VPS13B: variants seen among roughly 807,000 people sequenced by gnomAD.
The protein encoded by VPS13B is intermembrane lipid transfer protein VPS13B.
In VPS13B, 285 loss-of-function variants were observed where a neutral mutation model predicts 426.4. The ratio of observed to expected loss-of-function variants is 0.67; its 90% CI spans 0.61 to 0.74. VPS13B has a LOEUF of 0.74. Ranked by LOEUF, VPS13B falls within the 30% of genes least tolerant of loss-of-function variation. VPS13B has a pLI of 0.00. For synonymous variants in VPS13B, 1,676 were observed against 1,676.4 expected, an observed-to-expected ratio of 1.00 and a Z score of 0.01; for missense variants, 4,537 against 4,782.6, an observed-to-expected ratio of 0.95 and a Z score of 1.51.
chr8:99,044,084 C>CTTTTTTTTTTTTTTTTT (rs5893476), intron 3 of VPS13B, among the ~76,000 whole-genome samples: 1 of 98,932 alleles, frequency 1.0e-5, no homozygotes, highest in African/African-American at 4.1e-5. Context: ...TTCTTTCTTT[C>CTTTTTTTTTTTTTTTTT]TTTTTTTTTT....
At chr8:99,692,151 A>G (rs1196143784) in intron 35 of VPS13B, among the ~76,000 whole-genome samples, 30 of 145,264 alleles carry the variant, frequency 2.1e-4, no homozygotes, top group Admixed American at 1.9e-3. Context: ...GAAAGTCAAC[A>G]AGGATACCCA....
intron 34 of VPS13B, 73 bp downstream of exon 34, chr8:99,642,571 T>G (rs1338684415): frequency 9.5e-6 from 13 of 1,363,080 alleles, no homozygotes; most frequent in Non-Finnish European, 1.3e-5. Context: ...GTTTCCAGAT[T>G]GATTAAACAG....
At chr8:99,614,272 C>CACAT (rs1198715918) in intron 33 of VPS13B, among the ~76,000 whole-genome samples, 2 of 147,892 alleles carry the variant, frequency 1.4e-5, no homozygotes, top group African/African-American at 5.2e-5. Flanking sequence ...CACACACACA[C>CACAT]ATATATATAT....
At chr8:99,362,644 A>G (rs1812635149) in intron 19 of VPS13B, among the ~76,000 whole-genome samples, 1 of 152,178 alleles carries the variant, frequency 6.6e-6, no homozygotes, top group African/African-American at 2.4e-5. Context: ...CCTAAAACCC[A>G]TTCAGGGCAT....
chr8:99,216,665 A>G (rs1312868731), intron 17 of VPS13B, among the ~76,000 whole-genome samples: 2 of 151,550 alleles, frequency 1.3e-5, no homozygotes, highest in Non-Finnish European at 2.9e-5. Context: ...ACATGTAGCT[A>G]TTGGATACTT....
At chr8:99,869,771 G>T (rs1257860023) in intron 59 of VPS13B, among the ~76,000 whole-genome samples, 1 of 152,158 alleles carries the variant, frequency 6.6e-6, no homozygotes, top group African/African-American at 2.4e-5. Flanking sequence ...TGGCCGTTTT[G>T]GTTTCCATCA....
intron 28 of VPS13B, 123 bp from the exon 29 acceptor site, chr8:99,510,981 A>G: frequency 9.6e-7 from 1 of 1,047,016 alleles, no homozygotes; most frequent in South Asian, 1.4e-5. Flanking sequence ...TCATGTGTTT[A>G]TTAAGAAGTG....
intron 3 of VPS13B, among the ~76,000 whole-genome samples, chr8:99,052,744 C>T (rs1843626347): frequency 6.6e-6 from 1 of 152,132 alleles, no homozygotes; most frequent in Non-Finnish European, 1.5e-5. Flanking sequence ...TCAACTTCTT[C>T]CTGGATTAGT....
At chr8:99,155,412 T>A (rs919430742) in intron 14 of VPS13B, among the ~76,000 whole-genome samples, 1 of 152,180 alleles carries the variant, frequency 6.6e-6, no homozygotes, top group South Asian at 2.1e-4. Context: ...GCTACGTCTG[T>A]TGAGGATTTA....
intron 39 of VPS13B, among the ~76,000 whole-genome samples, chr8:99,745,896 ATATTATACTCTATC>A (rs1174772277): frequency 1.6e-4 from 24 of 152,196 alleles, no homozygotes; most frequent in African/African-American, 5.8e-4. Context: ...CCTTAATATC[ATATTATACTCTATC>A]TATATTTTTC....
In VPS13B at chr8:99,463,553, T is replaced by C. The variant is rs145558282; in HGVS notation, c.3446-3861T>C. On this transcript the variant is annotated intron_variant, in intron 23 of 61. Transcript: ENST00000357162. ...CTGAAGGTTGCTCATTTTCATTTCC[T>C]TTCTTTCTATGCCTTTCAACTGTCT... is the stretch of plus-strand genomic sequence containing the variant. 4.1e-4 allele frequency among the ~76,000 whole-genome samples: 63 copies of C among 152,352 alleles called. 1 individual carries two copies. The East Asian group carries it at 0.012, about 28-fold the overall frequency.
chr8:99,713,792 T>G (rs564164672), intron 36 of VPS13B, among the ~76,000 whole-genome samples: 50 of 152,172 alleles, frequency 3.3e-4, no homozygotes, highest in Non-Finnish European at 5.4e-4. Context: ...GTGGTAAAAA[T>G]ACAAGATGAG....
At chr8:99,845,454 G>C (rs975024320) in intron 54 of VPS13B, among the ~76,000 whole-genome samples, 1 of 152,178 alleles carries the variant, frequency 6.6e-6, no homozygotes, top group African/African-American at 2.4e-5. Context: ...GGGATCACTC[G>C]TGCATCTGCA....
At chr8:99,545,764 A>G (rs112924787) in intron 30 of VPS13B, among the ~76,000 whole-genome samples, 220 of 152,214 alleles carry the variant, frequency 1.4e-3, no homozygotes, top group African/African-American at 5.0e-3. Flanking sequence ...TTAAGGAAAG[A>G]TATTTTCTCT....
At chr8:99,636,497 A>G (rs568492984) in intron 33 of VPS13B, among the ~76,000 whole-genome samples, 17 of 152,108 alleles carry the variant, frequency 1.1e-4, no homozygotes, top group African/African-American at 4.1e-4. Flanking sequence ...TCCATTTAAC[A>G]TAACCCATAT....
Position 99,038,480 on chromosome 8 carries a change from G to A in VPS13B, c.205G>A (p.Val69Ile). The change falls in exon 3 of 62, where the codon GTA (valine) becomes ATA (isoleucine). Residue 69 changes from valine to isoleucine, a missense_variant. Around this residue, in one of 2 missense-constraint regions of VPS13B, gnomAD observed 226 missense variants for 308.3 expected, o/e 0.73. Transcript: ENST00000357162. ...ACATATTCATGAATTGAGGATTCAT[G>A]TACCATGGACAAAACTGGGTTCAGA... ...SGHIHELRIH[V>I]PWTKLGSEPV... 6.2e-7 allele frequency: 1 copy of A among 1,611,872 alleles called. No homozygotes were observed. Among genetic ancestry groups the A allele is most frequent in the South Asian group, 1.1e-5 (1 of 90,874 alleles).
intron 33 of VPS13B, among the ~76,000 whole-genome samples, chr8:99,577,936 G>C (rs559910491): frequency 6.6e-6 from 1 of 152,092 alleles, no homozygotes; most frequent in East Asian, 1.9e-4. Flanking sequence ...GAGAATCCTG[G>C]TATAGCTTTC....
intron 61 of VPS13B, among the ~76,000 whole-genome samples, chr8:99,873,775 G>C (rs983215279): frequency 1.3e-5 from 2 of 151,698 alleles, no homozygotes; most frequent in South Asian, 4.1e-4. Flanking sequence ...TGAGTGGGCA[G>C]GGGAGGGTGG....
chr8:99,232,187 A>G (rs1003041196), intron 17 of VPS13B, among the ~76,000 whole-genome samples: 1 of 152,028 alleles, frequency 6.6e-6, no homozygotes, highest in Non-Finnish European at 1.5e-5. Context: ...GAGATGGAGA[A>G]GTAGGGGAGG....
Sources: allele counts gnomAD v4.1 joint callset (sites outside exome capture counted in the v4.1 genomes callset), GRCh38; gene constraint gnomAD v4.1.1; regional missense constraint gnomAD v4.1.1; transcripts MANE v1.5; gene names NCBI Gene and HGNC (gene_info 2026-07-23, HGNC 2026-07-21).